NPAS2: variants seen among roughly 807,000 people sequenced by gnomAD.
NPAS2 encodes the protein neuronal PAS domain protein 2.
In NPAS2, 23 loss-of-function variants were observed where a neutral mutation model predicts 107.5. The ratio of observed to expected loss-of-function variants is 0.21; its 90% CI spans 0.15 to 0.30. The LOEUF is 0.30. Ranked by LOEUF, NPAS2 falls within the 10% of genes least tolerant of loss-of-function variation. The pLI is 1.00. For missense variants in NPAS2, 756 were observed against 1,043.3 expected (o/e 0.72, Z 3.79); for synonymous variants, 403 against 417.5 (o/e 0.97, Z 0.42).
chr2:100,902,821 A>T (rs1455231308), intron 1 of NPAS2, among the ~76,000 whole-genome samples: 1 of 152,102 alleles, frequency 6.6e-6, no homozygotes, highest in Non-Finnish European at 1.5e-5. Flanking sequence ...TGCAATGGGA[A>T]CTCAGCTTAG....
intron 16 of NPAS2, 190 bp from the exon 17 acceptor site, chr2:100,987,889 C>A: frequency 1.5e-6 from 1 of 668,268 alleles, no homozygotes; most frequent in Non-Finnish European, 2.7e-6. Flanking sequence ...CAGCCCATGG[C>A]TCTGTGGCCA....
chr2:100,959,458 A>G (rs1449163715), intron 7 of NPAS2, among the ~76,000 whole-genome samples: 5 of 152,200 alleles, frequency 3.3e-5, no homozygotes, highest in African/African-American at 1.2e-4. Context: ...GTGCTCTCCT[A>G]GGAACCCAGC....
At chr2:100,982,746 C>T (rs1019891754) in intron 16 of NPAS2, 4 of 216,778 alleles carry the variant, frequency 1.8e-5, no homozygotes, top group African/African-American at 6.9e-5. Context: ...AGCTCCCAGC[C>T]CAGGCTGCCA....
chr2:100,870,615 A>C, intron 1 of NPAS2, among the ~76,000 whole-genome samples: 1 of 152,006 alleles, frequency 6.6e-6, no homozygotes, highest in African/African-American at 2.4e-5. Context: ...GGCTGGTCTC[A>C]AACTCAACTC....
intron 6 of NPAS2, among the ~76,000 whole-genome samples, chr2:100,948,962 T>A (rs1675062761): frequency 6.6e-6 from 1 of 152,202 alleles, no homozygotes; most frequent in Non-Finnish European, 1.5e-5. Context: ...CAAGCCTGTG[T>A]CCATTTTCCA....
At chr2:100,978,266 C>T (rs554734481) in intron 15 of NPAS2, among the ~76,000 whole-genome samples, 64 of 152,108 alleles carry the variant, frequency 4.2e-4, no homozygotes, top group Non-Finnish European at 8.5e-4. Context: ...TTTGGTTTTC[C>T]ATTTCTGAGT....
chr2:100,846,513 C>A (rs1427390352), intron 1 of NPAS2, among the ~76,000 whole-genome samples: 1 of 152,112 alleles, frequency 6.6e-6, no homozygotes. Flanking sequence ...CTCCTAATAA[C>A]AACTCTTGTA....
intron 2 of NPAS2, among the ~76,000 whole-genome samples, chr2:100,919,913 A>G (rs890702170): frequency 6.6e-6 from 1 of 152,000 alleles, no homozygotes; most frequent in Non-Finnish European, 1.5e-5. Context: ...GCAGTATTGT[A>G]TTGCACCCCC....
At chr2:100,993,791 G>GTT in intron 20 of NPAS2, 1 of 380,596 alleles carries the variant, frequency 2.6e-6, no homozygotes, top group Non-Finnish European at 4.7e-6. Flanking sequence ...TAAAAAAGTA[G>GTT]TTTCTACTCA....
intron 3 of NPAS2, among the ~76,000 whole-genome samples, chr2:100,932,434 G>A (rs1260811677): frequency 6.6e-6 from 1 of 152,212 alleles, no homozygotes; most frequent in Non-Finnish European, 1.5e-5. Flanking sequence ...GGTACATTCT[G>A]TATAACACAG....
In NPAS2 at chr2:100,995,684, T is replaced by C; in HGVS notation, c.*102T>C. The C allele has an allele frequency of 6.5e-7, 1 of 1,550,210 alleles. No homozygotes were observed. Among genetic ancestry groups the C allele is most frequent in the South Asian group, 1.2e-5 (1 of 84,476 alleles). On this transcript the variant is annotated 3_prime_UTR_variant, in exon 21 of 21. Coordinates refer to ENST00000335681, the MANE Select transcript of NPAS2 (RefSeq NM_002518.4). ...GAGTCTGAACTAAACCCCTGGCTTT[T>C]GTGCACACTGCATACGTTTCAGAAC...
At chr2:100,948,377 T>G (rs745457242) in intron 6 of NPAS2, 22 bp downstream of exon 6, 1 of 1,584,358 alleles carries the variant, frequency 6.3e-7, no homozygotes, top group Admixed American at 1.8e-5. Context: ...TTTTCTGGTT[T>G]TACAAGCTAG....
intron 1 of NPAS2, among the ~76,000 whole-genome samples, chr2:100,845,017 G>A (rs13398768): frequency 0.69 from 104,863 of 151,976 alleles, 36,956 homozygotes; most frequent in African/African-American, 0.78. Context: ...GAGGCAGGCA[G>A]GGGGTGGGAA....
At chr2:100,889,574 A>G (rs1680922560) in intron 1 of NPAS2, among the ~76,000 whole-genome samples, 1 of 152,034 alleles carries the variant, frequency 6.6e-6, no homozygotes, top group African/African-American at 2.4e-5. Flanking sequence ...TTTTTACCAC[A>G]CCGGATATCC....
chr2:100,824,182 A>G (rs969453125), intron 1 of NPAS2, among the ~76,000 whole-genome samples: 3 of 152,214 alleles, frequency 2.0e-5, no homozygotes, highest in Admixed American at 1.3e-4. Flanking sequence ...TAGTTCACCA[A>G]TTAGAGATTC....
chr2:100,878,826 A>C (rs1680148323), intron 1 of NPAS2, among the ~76,000 whole-genome samples: 1 of 152,200 alleles, frequency 6.6e-6, no homozygotes, highest in African/African-American at 2.4e-5. Flanking sequence ...ATTTAAAAGA[A>C]AATGCCTTCT....
In NPAS2 at chr2:100,862,358, T is replaced by G. The variant is rs183407056; in HGVS notation, c.-23+41944T>G. Among the ~76,000 whole-genome samples the G allele has an allele frequency of 1.7e-3, 263 of 151,880 alleles. 1 individual carries two copies. Among genetic ancestry groups the G allele is most frequent in the African/African-American group, 5.9e-3 (245 of 41,410 alleles). ...ATGTTTACTTGAGGGTTGGTTGGGG[T>G]TTTTTTTGCCTCTAAATCAGAAACA... On this transcript the variant is annotated intron_variant, in intron 1 of 20. Transcript: ENST00000335681.
intron 3 of NPAS2, among the ~76,000 whole-genome samples, chr2:100,927,093 C>G (rs1290035584): frequency 6.6e-6 from 1 of 151,822 alleles, no homozygotes; most frequent in Admixed American, 6.6e-5. Context: ...TGCCACCACA[C>G]CCGGCTAATT....
At chr2:100,887,265 G>A (rs1680754729) in intron 1 of NPAS2, among the ~76,000 whole-genome samples, 1 of 152,172 alleles carries the variant, frequency 6.6e-6, no homozygotes, top group South Asian at 2.1e-4. Context: ...TCCAGCTTCT[G>A]AGCCAGAGAG....
Sources: gnomAD v4.1 joint callset for allele counts (sites outside exome capture counted in the v4.1 genomes callset) on GRCh38, gnomAD v4.1.1 for gene constraint, MANE v1.5 for transcripts, NCBI Gene and HGNC (gene_info 2026-07-23, HGNC 2026-07-21) for gene names.